Variants in RPL31 observed in about 807,000 individuals in gnomAD.
RPL31 encodes the protein large ribosomal subunit protein eL31.
For missense variants in RPL31, 95 were observed against 164.0 expected (o/e 0.58, Z 2.30); for synonymous variants, 51 against 55.0 (o/e 0.93, Z 0.32).
chr2:101,003,189 T>G (rs894238480), intron 2 of RPL31, among the ~76,000 whole-genome samples: 4 of 152,232 alleles, frequency 2.6e-5, no homozygotes, highest in African/African-American at 9.6e-5. Flanking sequence ...CCGGGCATGC[T>G]TTTGTTTCAA....
At chr2:101,014,136 C>G (rs1162546590) in intron 4 of RPL31, among the ~76,000 whole-genome samples, 2 of 151,868 alleles carry the variant, frequency 1.3e-5, no homozygotes, top group African/African-American at 2.4e-5. Context: ...TACCAGGAAT[C>G]TTTATCACTT....
At chr2:101,007,562 G>A, downstream of RPL31, 1 of 476,136 alleles carries the variant, frequency 2.1e-6, no homozygotes, top group Non-Finnish European at 3.8e-6. Context: ...CAGCAGAAGT[G>A]CCCATTTCAG....
chr2:101,013,273 CTAT>C, intron 4 of RPL31, among the ~76,000 whole-genome samples: 1 of 152,274 alleles, frequency 6.6e-6, no homozygotes, highest in African/African-American at 2.4e-5. Context: ...ATTCCACGAT[CTAT>C]TGATGATCAG....
Position 101,006,457 on chromosome 2 carries a change from C to T in RPL31, c.*76C>T. ...TTCTTTTTAGTTGCAACATAATGTA[C>T]TTGTATACCCTATCCTAATTATGGG... is the stretch of plus-strand genomic sequence containing the variant. On this transcript the variant is annotated 3_prime_UTR_variant, in exon 5 of 5. Coordinates refer to ENST00000264258, the MANE Select transcript of RPL31 (RefSeq NM_000993.5). The T allele has an allele frequency of 7.5e-7, 1 of 1,328,048 alleles. No homozygotes were observed. The highest frequency in any genetic ancestry group is 1.0e-6 in the Non-Finnish European group (1 of 953,850). The allele number at this position is 1,328,048 out of a possible 1,614,324, so 82.3% of individuals were successfully genotyped here.
At position 101,006,628 on chromosome 2, in the gene RPL31, C is replaced by G; in HGVS notation, c.*247C>G. The G allele has an allele frequency of 2.4e-6, 1 of 418,730 alleles. No individual in the cohort carries two copies. The highest frequency in any genetic ancestry group is 4.2e-6 in the Non-Finnish European group (1 of 238,196). The allele number at this position is 418,730 out of a possible 1,614,324, so 25.9% of individuals were successfully genotyped here. ...TACTGAAGGCATATTGTTAATTATT[C>G]TACTTGTATGTTTTGCTAATTCTAA... On this transcript the variant is annotated 3_prime_UTR_variant, in exon 5 of 5. Transcript: ENST00000264258.
chr2:101,004,073 C>T (rs1277001003), intron 2 of RPL31, 85 bp from the exon 3 acceptor site: 3 of 1,456,896 alleles, frequency 2.1e-6, no homozygotes, highest in Non-Finnish European at 1.9e-6. Flanking sequence ...TTTCCAGGAG[C>T]CTATCATCGA....
At chr2:101,019,242 A>T (rs997587558) in exon 5 of RPL31, 1 of 486,542 alleles carries the variant, frequency 2.1e-6, no homozygotes, top group East Asian at 3.0e-5. Context: ...CAGGCAAGTA[A>T]TAAGACTTAA....
intron 2 of RPL31, among the ~76,000 whole-genome samples, chr2:101,003,727 C>T (rs1678623531): frequency 6.6e-6 from 1 of 152,174 alleles, no homozygotes. Flanking sequence ...ACTTCAGGCC[C>T]CTGCTCTTTA....
At chr2:101,007,809 G>T, downstream of RPL31, 1 of 1,611,278 alleles carries the variant, frequency 6.2e-7, no homozygotes, top group Non-Finnish European at 8.5e-7. Flanking sequence ...GTGCATAGCA[G>T]CTGCTGTCTT....
downstream of RPL31, among the ~76,000 whole-genome samples, chr2:101,009,383 G>A (rs1558963833): frequency 6.7e-6 from 1 of 149,282 alleles, no homozygotes; most frequent in Non-Finnish European, 1.5e-5. Context: ...TCTAGCCTGG[G>A]CGACAGAGTG....
chr2:101,011,358 G>C, downstream of RPL31: 4 of 1,237,932 alleles, frequency 3.2e-6, no homozygotes, highest in Admixed American at 3.5e-5. Context: ...GAAAAGACAA[G>C]GCTGCTACAA....
Position 101,006,382 on chromosome 2 carries a change from T to C in RPL31, c.*1T>C, listed in dbSNP as rs777901985. 1.2e-5 allele frequency: 19 copies of C among 1,608,758 alleles called. No homozygotes were observed. The highest frequency in any genetic ancestry group is 1.7e-5 in the Admixed American group (1 of 58,276). On this transcript the variant is annotated 3_prime_UTR_variant, in exon 5 of 5. Transcript: ENST00000264258. ...GACAGTCAATGTGGATGAGAACTAATCGCTGATCGTCAGATCAAATAAAGT... is the reference window on the plus strand; with the variant it reads ...GACAGTCAATGTGGATGAGAACTAACCGCTGATCGTCAGATCAAATAAAGT...
Position 101,006,161 on chromosome 2 carries a change from GAC to G in RPL31, c.346+95_346+96del, listed in dbSNP as rs1678725592. 11 of 1,544,086 alleles carry G rather than the reference GAC, an allele frequency of 7.1e-6. No individual in the cohort carries two copies. In the Middle Eastern group the frequency reaches 5.1e-4, roughly 72 times the overall value. ...TGAATTCATCTGTTAAGCTAGGGGTGACACACGTCATTGTACCCTTTTTAAAT... is the reference window on the plus strand; with the variant it reads ...TGAATTCATCTGTTAAGCTAGGGGTGACACGTCATTGTACCCTTTTTAAAT... On this transcript the variant is annotated intron_variant, in intron 4 of 4. Coordinates refer to ENST00000264258, the MANE Select transcript of RPL31 (RefSeq NM_000993.5).
downstream of RPL31, among the ~76,000 whole-genome samples, chr2:101,011,740 G>A (rs1679231344): frequency 6.6e-6 from 1 of 152,190 alleles, no homozygotes; most frequent in Admixed American, 6.5e-5. Flanking sequence ...CCCACACCAA[G>A]TGTGCCTTTT....
At chr2:101,015,935 A>C (rs1679601220) in intron 4 of RPL31, among the ~76,000 whole-genome samples, 1 of 151,994 alleles carries the variant, frequency 6.6e-6, no homozygotes, top group African/African-American at 2.4e-5. Flanking sequence ...AGATGGATTA[A>C]AGACTTAAAC....
rs1468263650 is a variant in RPL31 at position 101,007,222 on chromosome 2, A to G, written c.*841A>G. On this transcript the variant is annotated 3_prime_UTR_variant, in exon 5 of 5. Coordinates refer to ENST00000264258, the MANE Select transcript of RPL31 (RefSeq NM_000993.5). ...CTTAACTACAAGGTAAAAGAAAAGG[A>G]CCAAGTAAATACAAAAAGTTTCTTA... 1 of 152,416 alleles carries G rather than the reference A, an allele frequency of 6.6e-6. No individual in the cohort carries two copies. The highest frequency in any genetic ancestry group is 1.5e-5 in the Non-Finnish European group (1 of 68,190). 9.4% of individuals were successfully genotyped at this position (152,416 alleles called of 1,614,324 possible).
downstream of RPL31, among the ~76,000 whole-genome samples, chr2:101,010,138 C>G (rs1405104670): frequency 6.6e-6 from 1 of 152,082 alleles, no homozygotes; most frequent in Non-Finnish European, 1.5e-5. Flanking sequence ...TAACTTTAAG[C>G]CTACATTTCC....
chr2:101,008,313 G>A (rs1477616002), downstream of RPL31: 4 of 1,453,968 alleles, frequency 2.8e-6, no homozygotes, highest in African/African-American at 1.4e-5. Flanking sequence ...CAGAACCAGG[G>A]TGGAAGTGTC....
At chr2:101,002,349 A>C (rs1379460430) in intron 1 of RPL31, 34 bp downstream of exon 1, 1 of 230,668 alleles carries the variant, frequency 4.3e-6, no homozygotes, top group Non-Finnish European at 8.6e-6. Flanking sequence ...GGCTCCTGGA[A>C]TCCAGCCCCA....
Sources: allele counts gnomAD v4.1 joint callset (sites outside exome capture counted in the v4.1 genomes callset), GRCh38; gene constraint gnomAD v4.1.1; transcripts MANE v1.5; gene names NCBI Gene and HGNC (gene_info 2026-07-23, HGNC 2026-07-21).